The following COL11A1 variants were observed in gnomAD, a reference collection of about 807,000 sequenced individuals.
COL11A1 encodes the protein collagen alpha-1(XI) chain.
COL11A1 carries 74 observed loss-of-function variants against 265.2 expected under a neutral mutation model. That is an observed-to-expected ratio of 0.28 (90% CI 0.23 to 0.34). The LOEUF is 0.34. COL11A1 is among the 10% of genes least tolerant of loss of function. The pLI is 1.00. For synonymous variants in COL11A1, 816 were observed against 727.6 expected (o/e 1.12, Z -1.96); for missense variants, 2,165 against 2,263.6 (o/e 0.96, Z 0.88).
chr1:103,018,014 T>C, intron 10 of COL11A1, 132 bp from the exon 11 acceptor site: 2 of 795,964 alleles, frequency 2.5e-6, no homozygotes. Flanking sequence ...AGTTGCCCTA[T>C]TTATCTTCCT....
intron 59 of COL11A1, 31 bp downstream of exon 59, chr1:102,889,424 A>T: frequency 3.3e-6 from 4 of 1,223,438 alleles, no homozygotes; most frequent in Non-Finnish European, 4.8e-6. Context: ...ATTGGAAATG[A>T]GTAGAAAAAA....
intron 2 of COL11A1, among the ~76,000 whole-genome samples, 195 bp downstream of exon 2, chr1:103,082,610 C>T: frequency 6.9e-6 from 1 of 144,810 alleles, no homozygotes; most frequent in Admixed American, 6.9e-5. Context: ...TTGTTATTTT[C>T]ATTACATTAC....
chr1:103,019,175 T>C (rs1460155134), intron 9 of COL11A1, among the ~76,000 whole-genome samples: 1 of 152,172 alleles, frequency 6.6e-6, no homozygotes, highest in African/African-American at 2.4e-5. Flanking sequence ...AGGTTTTTTA[T>C]TTTTTGTTTT....
chr1:102,953,956 G>A (rs186128149), intron 41 of COL11A1, among the ~76,000 whole-genome samples: 1 of 152,200 alleles, frequency 6.6e-6, no homozygotes, highest in East Asian at 1.9e-4. Flanking sequence ...TGATTTAAAT[G>A]ACAATAAAAA....
chr1:102,880,353 A>G (rs1455745009), intron 65 of COL11A1, among the ~76,000 whole-genome samples: 2 of 152,178 alleles, frequency 1.3e-5, no homozygotes, highest in Non-Finnish European at 2.9e-5. Context: ...CCTTTCAAAC[A>G]TTTCAAAATG....
At position 103,026,254 on chromosome 1, in the gene COL11A1, C is replaced by T; in HGVS notation, c.859G>A (p.Gly287Arg). 1 of 1,613,606 alleles carries T rather than the reference C, an allele frequency of 6.2e-7. No individual in the cohort carries two copies. The highest frequency in any genetic ancestry group is 8.5e-7 in the Non-Finnish European group (1 of 1,179,620). The change falls in exon 6 of 67, where the codon GGA (glycine) becomes AGA (arginine). Residue 287 changes from glycine to arginine, a missense_variant. Coordinates refer to ENST00000370096, the MANE Select transcript of COL11A1 (RefSeq NM_001854.4). ...EYKEAESVTE[G>R]PTVTEETIAQ... ...ATTGTCTCCTCAGTTACAGTGGGTC[C>T]CTCTGTTACACTTTCAGCCTCTTTA...
chr1:103,060,122 C>A (rs1048860816), intron 4 of COL11A1, among the ~76,000 whole-genome samples: 4 of 151,902 alleles, frequency 2.6e-5, no homozygotes, highest in African/African-American at 4.8e-5. Context: ...GGGAAAAAAA[C>A]CAACTTACCT....
chr1:102,994,744 GAATT>G (rs1664463218), intron 28 of COL11A1, among the ~76,000 whole-genome samples: 1 of 152,084 alleles, frequency 6.6e-6, no homozygotes, highest in African/African-American at 2.4e-5. Context: ...TTTGTAGTAA[GAATT>G]AATTCAATAC....
intron 58 of COL11A1, 96 bp from the exon 59 acceptor site, chr1:102,889,658 A>G: frequency 1.2e-6 from 1 of 856,082 alleles, no homozygotes; most frequent in East Asian, 2.6e-5. Flanking sequence ...TCTAAAGCAT[A>G]AAAATGAACA....
intron 14 of COL11A1, 87 bp downstream of exon 14, chr1:103,012,326 A>G: frequency 1.1e-6 from 1 of 940,824 alleles, no homozygotes; most frequent in Non-Finnish European, 1.7e-6. Flanking sequence ...CACCAACCAT[A>G]GATATGCACA....
Position 103,001,343 on chromosome 1 carries a change from G to T in COL11A1, c.2142+582C>A, listed in dbSNP as rs116532001. On this transcript the variant is annotated intron_variant, in intron 24 of 66. Coordinates refer to ENST00000370096, the MANE Select transcript of COL11A1 (RefSeq NM_001854.4). ...TCAACAAAAATAATGAAAGAAAAAA[G>T]GTGTTGGAAAGAGCCAGATAGAAAT... 2,041 of 396,052 alleles carry T rather than the reference G, an allele frequency of 5.2e-3. 34 individuals carry two copies. Among genetic ancestry groups the T allele is most frequent in the African/African-American group, 0.038 (1,870 of 48,608 alleles). 24.5% of individuals were successfully genotyped at this position (396,052 alleles called of 1,614,324 possible). A position where few individuals can be genotyped will look rare whatever the true frequency, so the allele number is the denominator to read the frequency against.
intron 30 of COL11A1, among the ~76,000 whole-genome samples, chr1:102,987,267 T>TA (rs1663662277): frequency 6.8e-6 from 1 of 147,112 alleles, no homozygotes; most frequent in Non-Finnish European, 1.5e-5. Flanking sequence ...TATATATATA[T>TA]GTATGTATAT....
At chr1:102,900,242 C>T (rs529210354) in intron 54 of COL11A1, among the ~76,000 whole-genome samples, 1 of 152,082 alleles carries the variant, frequency 6.6e-6, no homozygotes, top group African/African-American at 2.4e-5. Flanking sequence ...TGGGTAATCT[C>T]TTGAGGTGGA....
rs200501182 is a variant in COL11A1 at position 102,912,299 on chromosome 1, CCT to C, written c.4033-89_4033-88del. On this transcript the variant is annotated intron_variant, in intron 53 of 66. Coordinates refer to ENST00000370096, the MANE Select transcript of COL11A1 (RefSeq NM_001854.4). The stretch of plus-strand genomic sequence containing the variant: ...TTTCAAAATCTGGATGGAAACCAAC[CCT>C]CTTTCTTCATTTCCACATGTCAATA... 2.1e-4 allele frequency: 205 copies of C among 998,434 alleles called. 1 individual carries two copies. The African/African-American group carries it at 2.9e-3, about 14-fold the overall frequency. The allele number at this position is 998,434 out of a possible 1,614,324, so 61.8% of individuals were successfully genotyped here. A position where few individuals can be genotyped will look rare whatever the true frequency, so the allele number is the denominator to read the frequency against.
chr1:103,068,097 A>T (rs567897195), intron 4 of COL11A1, among the ~76,000 whole-genome samples: 4 of 151,822 alleles, frequency 2.6e-5, no homozygotes, highest in Middle Eastern at 3.4e-3. Context: ...GAGTTTATGA[A>T]GCCAGTATAA....
chr1:102,963,781 A>T (rs1661144935), intron 38 of COL11A1, among the ~76,000 whole-genome samples: 1 of 152,126 alleles, frequency 6.6e-6, no homozygotes, highest in Non-Finnish European at 1.5e-5. Flanking sequence ...TATCCAAAAC[A>T]TGATGTTTTC....
At chr1:103,100,740 T>C (rs1298475055) in intron 1 of COL11A1, 3 of 151,936 alleles carry the variant, frequency 2.0e-5, no homozygotes, top group African/African-American at 7.2e-5. Flanking sequence ...AAAGTCAACA[T>C]GGACAAGTGG....
chr1:103,096,154 C>T (rs1000085575), intron 1 of COL11A1, among the ~76,000 whole-genome samples: 19 of 151,990 alleles, frequency 1.3e-4, no homozygotes, highest in South Asian at 2.1e-4. Flanking sequence ...AGTTTCCATT[C>T]ATTTTATGCT....
intron 35 of COL11A1, among the ~76,000 whole-genome samples, chr1:102,978,438 AT>A (rs2101676924): frequency 6.6e-6 from 1 of 152,330 alleles, no homozygotes; most frequent in East Asian, 1.9e-4. Flanking sequence ...AATTTAAAAA[AT>A]ATCTATTTTT....
Sources: allele counts gnomAD v4.1 joint callset (sites outside exome capture counted in the v4.1 genomes callset), GRCh38; gene constraint gnomAD v4.1.1; transcripts MANE v1.5; gene names NCBI Gene and HGNC (gene_info 2026-07-23, HGNC 2026-07-21).